KMT2C: variants seen among roughly 807,000 people sequenced by gnomAD.
KMT2C encodes histone-lysine N-methyltransferase 2C.
Under a neutral mutation model 507.9 loss-of-function variants are expected in KMT2C, and 88 were observed. That is an observed-to-expected ratio of 0.17 (90% CI 0.15 to 0.21). KMT2C has a LOEUF of 0.21. KMT2C is among the 10% of genes least tolerant of loss of function. The pLI, the probability that KMT2C is intolerant of heterozygous loss-of-function variation, is 1.00. For synonymous variants in KMT2C, 2,049 were observed against 2,080.8 expected (o/e 0.98, Z 0.42); for missense variants, 4,954 against 5,957.8 (o/e 0.83, Z 5.55).
At position 152,176,827 on chromosome 7, in the gene KMT2C, C is replaced by T. The variant is rs2129113715; in HGVS notation, c.8626G>A (p.Asp2876Asn). The change falls in exon 38 of 59, where the codon GAT becomes AAT. Residue 2876 changes from aspartate (D) to asparagine (N), a missense_variant. This residue lies in a region of KMT2C where 1,689 missense variants were observed against 1,654.3 expected (regional missense o/e 1.02). Transcript: ENST00000262189. ...CGATTGGTTCTTTTCTCAAATAGAT[C>T]TGGATCACAAGGATGCAAAGAAGTC... is the stretch of plus-strand genomic sequence containing the variant. The part of the protein sequence containing the change: ...EKTSLHPCDP[D>N]LFEKRTNRET... The T allele has an allele frequency of 6.2e-7, 1 of 1,614,194 alleles. No homozygotes were observed. The highest frequency in any genetic ancestry group is 8.5e-7 in the Non-Finnish European group (1 of 1,180,046).
chr7:152,302,891 G>A (rs2096582973), intron 6 of KMT2C, among the ~76,000 whole-genome samples: 1 of 152,010 alleles, frequency 6.6e-6, no homozygotes, highest in South Asian at 2.1e-4. Context: ...TGATCCACCC[G>A]CCTCAGCCTC....
intron 2 of KMT2C, among the ~76,000 whole-genome samples, chr7:152,339,970 C>T (rs1389737879): frequency 1.3e-5 from 2 of 151,824 alleles, no homozygotes; most frequent in African/African-American, 4.8e-5. Context: ...TATGCCTTCT[C>T]CCTCTATGCT....
At chr7:152,249,999 G>GT in intron 12 of KMT2C, 46 bp from the exon 13 acceptor site, 1 of 1,125,878 alleles carries the variant, frequency 8.9e-7, no homozygotes, top group South Asian at 1.2e-5. Context: ...CAAAATTTCT[G>GT]TAACACTGTT....
chr7:152,162,916 G>A lies in KMT2C; in HGVS notation c.10661C>T (p.Thr3554Ile), dbSNP rs1382014787. 5.0e-6 allele frequency: 8 copies of A among 1,614,072 alleles called. No individual in the cohort carries two copies. In the South Asian group the frequency reaches 5.5e-5, roughly 11 times the overall value. ...TGGAGGTGCTGCTGGTAAAGCAGGT[G>A]TAAAAGAAGGCCTCACTGGGGACTG... ...FQQSPVRPSF[T>I]PALPAAPPVA... Residue 3554 changes from threonine (T) to isoleucine (I), a missense_variant, in exon 43 of 59, where the codon ACA becomes ATA. Thr to Ile is a moderately conservative substitution (Grantham distance 89). Transcript: ENST00000262189.
At chr7:152,341,326 A>G (rs1589301270) in intron 2 of KMT2C, among the ~76,000 whole-genome samples, 2 of 152,350 alleles carry the variant, frequency 1.3e-5, no homozygotes, top group East Asian at 3.9e-4. Context: ...TTACGTGGCA[A>G]TAAGAAGCTG....
In KMT2C at chr7:152,422,724, T is replaced by TA. The variant is rs530828941; in HGVS notation, c.161+12901dup. 2.0e-3 allele frequency among the ~76,000 whole-genome samples: 311 copies of TA among 152,070 alleles called. 2 individuals carry two copies. The highest frequency in any genetic ancestry group is 7.0e-3 in the African/African-American group (291 of 41,484). The stretch of plus-strand genomic sequence containing the variant: ...TATTCTAAGTAGCAAGGTACTCATC[T>TA]AAAAAAACTACATTCCCAACCAGGC... On this transcript the variant is annotated intron_variant, in intron 1 of 58. Coordinates refer to ENST00000262189, the MANE Select transcript of KMT2C (RefSeq NM_170606.3).
chr7:152,385,074 G>A (rs2097411322), intron 1 of KMT2C, among the ~76,000 whole-genome samples: 1 of 152,058 alleles, frequency 6.6e-6, no homozygotes, highest in East Asian at 1.9e-4. Flanking sequence ...AAATAAGACT[G>A]AACCTGACTC....
chr7:152,251,534 A>G (rs2095561928), intron 11 of KMT2C, among the ~76,000 whole-genome samples: 1 of 152,196 alleles, frequency 6.6e-6, no homozygotes, highest in Non-Finnish European at 1.5e-5. Context: ...AAAATATTCC[A>G]TACCTGAACA....
At chr7:152,335,809 G>A (rs941613066) in intron 2 of KMT2C, among the ~76,000 whole-genome samples, 3 of 152,064 alleles carry the variant, frequency 2.0e-5, no homozygotes, top group Non-Finnish European at 4.4e-5. Flanking sequence ...AAAGTTAAAC[G>A]TTAATGTTAC....
At chr7:152,388,312 A>C (rs921757826) in intron 1 of KMT2C, among the ~76,000 whole-genome samples, 1 of 128,740 alleles carries the variant, frequency 7.8e-6, no homozygotes, top group African/African-American at 2.9e-5. Flanking sequence ...TAATCCCAAC[A>C]CTTTGGAATG....
At chr7:152,260,605 A>T (rs2095753165) in intron 9 of KMT2C, among the ~76,000 whole-genome samples, 2 of 152,206 alleles carry the variant, frequency 1.3e-5, no homozygotes, top group South Asian at 2.1e-4. Flanking sequence ...TTGTGACAGC[A>T]TAAACTGAAA....
At chr7:152,142,610 TATTA>T (rs1037799922) in intron 55 of KMT2C, among the ~76,000 whole-genome samples, 9 of 152,266 alleles carry the variant, frequency 5.9e-5, no homozygotes, top group African/African-American at 2.2e-4. Flanking sequence ...GGAGTGAAAC[TATTA>T]ATTCATTGTG....
At chr7:152,250,013 T>A (rs2129165641) in intron 12 of KMT2C, 60 bp from the exon 13 acceptor site, 1 of 949,576 alleles carries the variant, frequency 1.1e-6, no homozygotes, top group Non-Finnish European at 1.7e-6. Flanking sequence ...CACTGTTCCC[T>A]CAACAGTAAT....
intron 2 of KMT2C, among the ~76,000 whole-genome samples, chr7:152,354,647 G>C (rs983087199): frequency 1.3e-5 from 2 of 152,190 alleles, no homozygotes; most frequent in Non-Finnish European, 2.9e-5. Flanking sequence ...AAGGGAATAA[G>C]CTGTATGAAT....
chr7:152,266,459 G>A (rs555071513), intron 7 of KMT2C, among the ~76,000 whole-genome samples: 1 of 152,038 alleles, frequency 6.6e-6, no homozygotes, highest in Non-Finnish European at 1.5e-5. Flanking sequence ...TGCCCAGGCT[G>A]GTCTCAAACT....
rs746902952 is a variant in KMT2C, at chr7:152,176,867, T to G, written c.8586A>C (p.Leu2862=). ...PCSQASAHSD[L]NDGEKTSLHP... Reference sequence around the variant, plus strand: ...GCAAAGAAGTCTTTTCTCCATCATTTAGGTCTGAGTGAGCAGAAGCCTGTG... The same window carrying G: ...GCAAAGAAGTCTTTTCTCCATCATTGAGGTCTGAGTGAGCAGAAGCCTGTG... Residue 2862 remains leucine, a synonymous_variant, in exon 38 of 59, where the codon CTA becomes CTC. Transcript: ENST00000262189. The G allele has an allele frequency of 4.3e-6, 7 of 1,614,082 alleles. No individual in the cohort carries two copies. In the African/African-American group the frequency reaches 8.0e-5, roughly 18 times the overall value.
chr7:152,335,812 A>C (rs1038587194), intron 2 of KMT2C, among the ~76,000 whole-genome samples: 2 of 152,226 alleles, frequency 1.3e-5, no homozygotes, highest in Non-Finnish European at 2.9e-5. Flanking sequence ...GTTAAACGTT[A>C]ATGTTACTGG....
At chr7:152,375,140 T>C (rs1011314379) in intron 1 of KMT2C, among the ~76,000 whole-genome samples, 2 of 152,186 alleles carry the variant, frequency 1.3e-5, no homozygotes, top group African/African-American at 4.8e-5. Flanking sequence ...CCTCCCAGGT[T>C]CAAGTGGTTC....
intron 3 of KMT2C, among the ~76,000 whole-genome samples, chr7:152,319,427 G>C (rs2096751210): frequency 6.6e-6 from 1 of 152,172 alleles, no homozygotes; most frequent in Non-Finnish European, 1.5e-5. Context: ...CGAGCCTTCT[G>C]TTATGCCCAG....
Sources: gnomAD v4.1 joint callset for allele counts (sites outside exome capture counted in the v4.1 genomes callset) on GRCh38, gnomAD v4.1.1 for gene constraint, gnomAD v4.1.1 regional missense constraint, MANE v1.5 for transcripts, NCBI Gene and HGNC (gene_info 2026-07-23, HGNC 2026-07-21) for gene names.